SP110: variants seen among roughly 807,000 people sequenced by gnomAD.
SP110 encodes the protein SP110 nuclear body protein, also known as interferon-induced protein 41, 30kD.
In SP110, 62 loss-of-function variants were observed where a neutral mutation model predicts 92.7. The observed-to-expected ratio is 0.67, with a 90% CI of 0.55 to 0.83. The LOEUF is 0.83. SP110 is among the 40% of genes least tolerant of loss of function. The pLI is 0.00. For missense variants in SP110, 793 were observed against 863.9 expected (o/e 0.92, Z 1.03); for synonymous variants, 273 against 305.3 (o/e 0.89, Z 1.10).
intron 10 of SP110, among the ~76,000 whole-genome samples, chr2:230,196,983 A>C (rs2042907025): frequency 1.3e-5 from 2 of 152,162 alleles, no homozygotes; most frequent in South Asian, 4.1e-4. Context: ...TGCTATTGTG[A>C]ATAGTGCCAC....
In SP110 at chr2:230,165,802, T is replaced by C. The variant is rs1044384878; in HGVS notation, c.*3322A>G. Among the ~76,000 whole-genome samples, 3 of 149,216 alleles carry C rather than the reference T, an allele frequency of 2.0e-5. No individual in the cohort carries two copies. The East Asian group carries it at 5.9e-4, about 29-fold the overall frequency. On this transcript the variant is annotated 3_prime_UTR_variant, in exon 19 of 19. Transcript: ENST00000258381. Reference sequence around the variant, plus strand: ...AAAGCCGTTACGATGCCTTCCAAAATAGAAGGCAGAAGAAAAAAAATAGAC... The same window carrying C: ...AAAGCCGTTACGATGCCTTCCAAAACAGAAGGCAGAAGAAAAAAAATAGAC...
chr2:230,177,163 C>A (rs555077521), intron 14 of SP110, among the ~76,000 whole-genome samples: 1 of 152,282 alleles, frequency 6.6e-6, no homozygotes, highest in African/African-American at 2.4e-5. Context: ...ACGGACTGGG[C>A]AGCCTGGAAA....
In SP110 at chr2:230,216,828, A is replaced by G; in HGVS notation, c.100T>C (p.Phe34Leu). 1 of 1,614,122 alleles carries G rather than the reference A, an allele frequency of 6.2e-7. No homozygotes were observed. The change falls in exon 2 of 19, where the codon TTT becomes CTT. Residue 34 changes from phenylalanine to leucine, a missense_variant. Transcript: ENST00000258381. ...ATGGAGTTGTCTAGGAGGCCTTCAA[A>G]GAAGGGAAATGGCTTGTGTATGGCA... is the stretch of plus-strand genomic sequence containing the variant. ...AYAIHKPFPF[F>L]EGLLDNSIIT...
intron 13 of SP110, 123 bp downstream of exon 13, chr2:230,178,034 G>A (rs375713225): frequency 4.8e-5 from 35 of 729,316 alleles, no homozygotes; most frequent in East Asian, 2.2e-4. Context: ...CCTAAGAAGC[G>A]TTTCTTCTGC....
intron 1 of SP110, among the ~76,000 whole-genome samples, chr2:230,217,131 A>G (rs1375661302): frequency 6.6e-6 from 1 of 151,774 alleles, no homozygotes; most frequent in African/African-American, 2.4e-5. Context: ...CTGTAGTCCC[A>G]GCTACTTGGG....
At position 230,168,277 on chromosome 2, in the gene SP110, T is replaced by C. The variant is rs1375132469; in HGVS notation, c.*847A>G. On this transcript the variant is annotated 3_prime_UTR_variant, in exon 19 of 19. Coordinates refer to ENST00000258381, the MANE Select transcript of SP110 (RefSeq NM_080424.4). ...TAGAGGATATTGGGACATCAATTCA[T>C]TATTTTGAACATTGCTAAATAAAAA... 6.6e-6 allele frequency: 1 copy of C among 152,064 alleles called. No homozygotes were observed. Among genetic ancestry groups the C allele is most frequent in the Non-Finnish European group, 1.5e-5 (1 of 68,024 alleles). The allele number at this position is 152,064 out of a possible 1,614,324, so 9.4% of individuals were successfully genotyped here. A position where few individuals can be genotyped will look rare whatever the true frequency, so the allele number is the denominator to read the frequency against.
chr2:230,178,589 T>C (rs2041975034), intron 12 of SP110, among the ~76,000 whole-genome samples: 1 of 152,230 alleles, frequency 6.6e-6, no homozygotes, highest in Admixed American at 6.5e-5. Flanking sequence ...TCTGTGCTGA[T>C]GGAAATGTTT....
chr2:230,210,052 A>G, intron 6 of SP110, 44 bp from the exon 7 acceptor site: 1 of 1,197,794 alleles, frequency 8.3e-7, no homozygotes, highest in Non-Finnish European at 1.2e-6. Flanking sequence ...AGATCCAGTG[A>G]AGAGAAAGTG....
At position 230,189,476 on chromosome 2, in the gene SP110, T is replaced by C. The variant is rs2042508584; in HGVS notation, c.1130-3333A>G. On this transcript the variant is annotated intron_variant, in intron 10 of 18. Transcript: ENST00000258381. ...TCAGGAGCAGATTATTTAATTTCCA[T>C]TTATTTGTTATGGTTTTGAAAGTTC... Among the ~76,000 whole-genome samples the C allele has an allele frequency of 3.3e-5, 5 of 152,328 alleles. No homozygotes were observed. The South Asian group carries it at 1.0e-3, about 32-fold the overall frequency.
Position 230,212,993 on chromosome 2 carries a change from T to C in SP110, c.351A>G (p.Thr117=), listed in dbSNP as rs115460481. The C allele has an allele frequency of 9.2e-5, 148 of 1,614,010 alleles. No individual in the cohort carries two copies. In the East Asian group the frequency reaches 2.9e-3, roughly 32 times the overall value. ...GASYEWQSRD[T]PILLEAPTGL... is the part of the protein sequence containing the mutation. ...CAGTTGGGGCTTCAAGTAGGATTGG[T>C]GTGTCTCTGCTCTGCCATTCATAGG... is the stretch of plus-strand genomic sequence containing the variant. The change falls in exon 4 of 19, where the codon ACA becomes ACG. Residue 117 remains threonine (T), a synonymous_variant. Coordinates refer to ENST00000258381, the MANE Select transcript of SP110 (RefSeq NM_080424.4).
intron 18 of SP110, among the ~76,000 whole-genome samples, chr2:230,170,144 C>T (rs1267718824): frequency 6.6e-6 from 1 of 152,164 alleles, no homozygotes; most frequent in Admixed American, 6.5e-5. Flanking sequence ...GAGGATGAAA[C>T]CAACATTGGA....
At chr2:230,171,135 C>T (rs2078428942) in intron 17 of SP110, among the ~76,000 whole-genome samples, 1 of 152,170 alleles carries the variant, frequency 6.6e-6, no homozygotes, top group African/African-American at 2.4e-5. Flanking sequence ...CTTTGTCACC[C>T]AGGCTGGAGT....
upstream of SP110, among the ~76,000 whole-genome samples, chr2:230,224,515 C>T (rs1440559434): frequency 2.9e-5 from 4 of 139,976 alleles, no homozygotes; most frequent in East Asian, 8.2e-4. Context: ...AGAGAGAGGA[C>T]AGAGAGAGAG....
intron 12 of SP110, 57 bp downstream of exon 12, chr2:230,183,515 G>A: frequency 8.8e-7 from 1 of 1,136,274 alleles, no homozygotes; most frequent in African/African-American, 1.5e-5. Flanking sequence ...GGAGCTTCCA[G>A]CAGAGGCCAG....
At chr2:230,218,641 G>C (rs1005678703) in intron 1 of SP110, among the ~76,000 whole-genome samples, 1 of 152,180 alleles carries the variant, frequency 6.6e-6, no homozygotes, top group African/African-American at 2.4e-5. Context: ...TCTGTCATGA[G>C]TCCCAAAGAT....
Position 230,211,016 on chromosome 2 carries a change from T to G in SP110, c.751+454A>C, listed in dbSNP as rs1252681783. On this transcript the variant is annotated intron_variant, in intron 6 of 18. Transcript: ENST00000258381. The surrounding 1 kb of genome is among the most constrained non-coding windows in gnomAD (Gnocchi z 4.2). Reference sequence around the variant, plus strand: ...AGTGTTTTTGTTCATTTGCTTTGCATTTTGACAGAGCCGTTTTGAGCACTA... The same window carrying G: ...AGTGTTTTTGTTCATTTGCTTTGCAGTTTGACAGAGCCGTTTTGAGCACTA... Among the ~76,000 whole-genome samples, 1 of 152,234 alleles carries G rather than the reference T, an allele frequency of 6.6e-6. No individual in the cohort carries two copies. The highest frequency in any genetic ancestry group is 2.4e-5 in the African/African-American group (1 of 41,452).
At chr2:230,176,821 A>T in intron 14 of SP110, 1 of 1,271,394 alleles carries the variant, frequency 7.9e-7, no homozygotes. Flanking sequence ...CTGTACCCAG[A>T]CATCACACTG....
chr2:230,212,219 G>A, intron 5 of SP110, 128 bp downstream of exon 5: 1 of 740,938 alleles, frequency 1.3e-6, no homozygotes, highest in Non-Finnish European at 2.4e-6. Flanking sequence ...GGCCCCTTCT[G>A]TTTCTTTTCC....
rs2106335663 is a variant in SP110, at chr2:230,168,360, T to C, written c.*764A>G. ...GTATTTCAAGGTAACCGAATACTGT[T>C]AAAGAGAAGCTATTTGCAGAATAAT... On this transcript the variant is annotated 3_prime_UTR_variant, in exon 19 of 19. Coordinates refer to ENST00000258381, the MANE Select transcript of SP110 (RefSeq NM_080424.4). 6.6e-6 allele frequency: 1 copy of C among 151,534 alleles called. No homozygotes were observed. Among genetic ancestry groups the C allele is most frequent in the East Asian group, 1.9e-4 (1 of 5,186 alleles). 9.4% of individuals were successfully genotyped at this position (151,534 alleles called of 1,614,324 possible).
Sources: allele counts gnomAD v4.1 joint callset (sites outside exome capture counted in the v4.1 genomes callset), GRCh38; gene constraint gnomAD v4.1.1; non-coding constraint Gnocchi (gnomAD v3.1); transcripts MANE v1.5; gene names NCBI Gene and HGNC (gene_info 2026-07-23, HGNC 2026-07-21).